SLC66A1: variants seen among roughly 807,000 people sequenced by gnomAD.
The protein encoded by SLC66A1 is solute carrier family 66 member 1.
In SLC66A1, 23 loss-of-function variants were observed where a neutral mutation model predicts 33.0. The observed-to-expected ratio is 0.70, with a 90% confidence interval of 0.50 to 0.99. The LOEUF (loss-of-function observed/expected upper bound fraction) is 0.99, where lower values mean the gene tolerates loss of function less well. Ranked by LOEUF, SLC66A1 falls within the 50% of genes least tolerant of loss-of-function variation. The pLI is 0.00. For missense variants in SLC66A1, 335 were observed against 383.6 expected, an observed-to-expected ratio of 0.87 and a Z score of 1.06; for synonymous variants, 164 against 175.5, an observed-to-expected ratio of 0.93 and a Z score of 0.52.
Position 19,328,688 on chromosome 1 carries a change from A to G in SLC66A1, c.*45A>G. 1 of 1,592,900 alleles carries G rather than the reference A, an allele frequency of 6.3e-7. No homozygotes were observed. ...AGGAGGACAGGCACCACCGGATGCC[A>G]CACCAGGCAGGAGGAGGTGTGGACA... On this transcript the variant is annotated 3_prime_UTR_variant, in exon 8 of 8. Transcript: ENST00000375153. The surrounding 1 kb of genome is among the most constrained non-coding windows in gnomAD (Gnocchi z 4.7).
intron 1 of SLC66A1, 141 bp downstream of exon 1, chr1:19,313,030 ATAAT>A (rs138343565): frequency 0.032 from 5,661 of 179,108 alleles, 325 homozygotes; most frequent in African/African-American, 0.13. Flanking sequence ...ATGAGAACAA[ATAAT>A]AGTCATTTTG....
chr1:19,323,493 A>C (rs2093847847), intron 2 of SLC66A1, among the ~76,000 whole-genome samples: 1 of 149,232 alleles, frequency 6.7e-6, no homozygotes, highest in South Asian at 2.1e-4. Flanking sequence ...TGCAACCTCC[A>C]CCTCCTGGCT....
intron 1 of SLC66A1, among the ~76,000 whole-genome samples, chr1:19,316,350 GGTTT>G (rs1205372225): frequency 3.2e-4 from 39 of 120,120 alleles, no homozygotes; most frequent in Non-Finnish European, 5.3e-4. Flanking sequence ...AACTCTTTAT[GGTTT>G]GTGTGTGTGT....
At position 19,325,494 on chromosome 1, in the gene SLC66A1, G is replaced by C; in HGVS notation, c.295-1G>C. ...CCCTGGGCCCCCTGCATCTCTTACA[G>C]ACCTACACGGCTGTGTATTATGTCT... On this transcript the variant is annotated splice_acceptor_variant, in intron 3 of 7. Transcript: ENST00000375153. LOFTEE classifies it high-confidence loss of function. 1.2e-6 allele frequency: 2 copies of C among 1,601,918 alleles called. No individual in the cohort carries two copies. Among genetic ancestry groups the C allele is most frequent in the Non-Finnish European group, 1.7e-6 (2 of 1,169,202 alleles).
downstream of SLC66A1, among the ~76,000 whole-genome samples, chr1:19,332,940 G>C (rs914540583): frequency 6.6e-6 from 1 of 152,224 alleles, no homozygotes; most frequent in East Asian, 1.9e-4. Context: ...CACCCCCAGA[G>C]GTCCCCGCCT....
At chr1:19,318,257 G>T (rs1036787961) in intron 2 of SLC66A1, among the ~76,000 whole-genome samples, 5 of 152,192 alleles carry the variant, frequency 3.3e-5, no homozygotes, top group African/African-American at 1.2e-4. Context: ...GAGAGTGGGA[G>T]GGCTGGGATG....
At chr1:19,316,190 T>C (rs760687694) in intron 1 of SLC66A1, among the ~76,000 whole-genome samples, 4 of 152,170 alleles carry the variant, frequency 2.6e-5, no homozygotes, top group Non-Finnish European at 4.4e-5. Context: ...GGGAGGTGGC[T>C]GTGGACTCCC....
chr1:19,327,222 C>G lies in SLC66A1; in HGVS notation c.619-5C>G. 1 of 1,612,398 alleles carries G rather than the reference C, an allele frequency of 6.2e-7. No homozygotes were observed. Among genetic ancestry groups the G allele is most frequent in the South Asian group, 1.1e-5 (1 of 91,010 alleles). ...GGTCTCTGACCTGACCTCCTCCTGC[C>G]CCAGTTCCTCCGGAAGTCCACCCAG... On this transcript the variant is annotated splice_region_variant and splice_polypyrimidine_tract_variant and intron_variant, in intron 6 of 7. Transcript: ENST00000375153.
In SLC66A1 at chr1:19,312,807, G is replaced by C. The variant is rs538330094; in HGVS notation, c.-161G>C. ...GGCCTGGAGTGGGTGGTAGCCCCGAGCTGGGACGCTCCTCCCTCCACAATC... is the reference window on the plus strand; with the variant it reads ...GGCCTGGAGTGGGTGGTAGCCCCGACCTGGGACGCTCCTCCCTCCACAATC... On this transcript the variant is annotated 5_prime_UTR_variant, in exon 1 of 8. Coordinates refer to ENST00000375153, the MANE Select transcript of SLC66A1 (RefSeq NM_001040125.2). 1 of 153,078 alleles carries C rather than the reference G, an allele frequency of 6.5e-6. No individual in the cohort carries two copies. Among genetic ancestry groups the C allele is most frequent in the East Asian group, 1.9e-4 (1 of 5,186 alleles). 9.5% of individuals were successfully genotyped at this position (153,078 alleles called of 1,614,324 possible). A position where few individuals can be genotyped will look rare whatever the true frequency, so the allele number is the denominator to read the frequency against.
intron 1 of SLC66A1, among the ~76,000 whole-genome samples, chr1:19,313,531 G>T (rs2093788900): frequency 6.6e-6 from 1 of 152,244 alleles, no homozygotes; most frequent in African/African-American, 2.4e-5. Flanking sequence ...CAAGGGGAGA[G>T]GAGGAGGTGG....
intron 1 of SLC66A1, among the ~76,000 whole-genome samples, chr1:19,314,475 C>T (rs1558144132): frequency 6.6e-6 from 1 of 152,214 alleles, no homozygotes; most frequent in Admixed American, 6.5e-5. Flanking sequence ...TCATTTCCTC[C>T]CTAACCTGGG....
In SLC66A1 at chr1:19,317,849, G is replaced by A. The variant is rs745770954; in HGVS notation, c.164+8G>A. ...TGCTGCATCTACCTTCCCGTGAGTA[G>A]TGTCTTGGTGGCAGGACCAGGGCAG... is the stretch of plus-strand genomic sequence containing the variant. On this transcript the variant is annotated splice_region_variant and intron_variant, in intron 2 of 7. Coordinates refer to ENST00000375153, the MANE Select transcript of SLC66A1 (RefSeq NM_001040125.2). 6.2e-7 allele frequency: 1 copy of A among 1,612,076 alleles called. No individual in the cohort carries two copies.
chr1:19,330,199 C>T (rs1261476202), downstream of SLC66A1, among the ~76,000 whole-genome samples: 1 of 151,986 alleles, frequency 6.6e-6, no homozygotes, highest in Non-Finnish European at 1.5e-5. Flanking sequence ...ACAGAGACGC[C>T]AGCTCCCCAC....
intron 2 of SLC66A1, among the ~76,000 whole-genome samples, chr1:19,324,058 G>A (rs1288340448): frequency 2.0e-5 from 3 of 152,204 alleles, no homozygotes; most frequent in Non-Finnish European, 4.4e-5. Context: ...ACAACCAGGG[G>A]ACCAAAAGCC....
chr1:19,318,798 A>T (rs1569750450), intron 2 of SLC66A1, among the ~76,000 whole-genome samples: 5 of 152,256 alleles, frequency 3.3e-5, no homozygotes, highest in African/African-American at 7.2e-5. Flanking sequence ...AAAAAAAAAA[A>T]AAAATTAAAA....
In SLC66A1 at chr1:19,316,616, A is replaced by G. The variant is rs148129669; in HGVS notation, c.-78-984A>G. The stretch of plus-strand genomic sequence containing the variant: ...GCCTGTTCTCGAACTCCTGGGCTCA[A>G]GTAATCTTTCCCACCTCAGCCTCCT... On this transcript the variant is annotated intron_variant, in intron 1 of 7. Coordinates refer to ENST00000375153, the MANE Select transcript of SLC66A1 (RefSeq NM_001040125.2). Among the ~76,000 whole-genome samples, 279 of 152,020 alleles carry G rather than the reference A, an allele frequency of 1.8e-3. 3 individuals are homozygous for G. Among genetic ancestry groups the G allele is most frequent in the Middle Eastern group, 6.8e-3 (2 of 294 alleles).
chr1:19,325,029 G>A (rs2093856451), intron 3 of SLC66A1, among the ~76,000 whole-genome samples: 1 of 152,256 alleles, frequency 6.6e-6, no homozygotes, highest in South Asian at 2.1e-4. Flanking sequence ...GGGTGCTGGA[G>A]TGCTGGCGAA....
At position 19,326,404 on chromosome 1, in the gene SLC66A1, G is replaced by T; in HGVS notation, c.525+17G>T. ...GGCAGCAAGGTGAGGCGTGGGCGTG[G>T]CGGTCGAAGGGATGGAGGCTGGCTC... On this transcript the variant is annotated intron_variant, in intron 5 of 7. Transcript: ENST00000375153. The T allele has an allele frequency of 6.2e-7, 1 of 1,605,464 alleles. No individual in the cohort carries two copies. The highest frequency in any genetic ancestry group is 8.5e-7 in the Non-Finnish European group (1 of 1,176,578).
At chr1:19,321,169 CTT>C (rs71577887) in intron 2 of SLC66A1, among the ~76,000 whole-genome samples, 1,101 of 81,940 alleles carry the variant, frequency 0.013, 19 homozygotes, top group African/African-American at 0.056. Context: ...CTTATCTCTT[CTT>C]TTTTTTTTTT....
Sources: allele counts gnomAD v4.1 joint callset (sites outside exome capture counted in the v4.1 genomes callset), GRCh38; gene constraint gnomAD v4.1.1; non-coding constraint Gnocchi (gnomAD v3.1); transcripts MANE v1.5; gene names NCBI Gene and HGNC (gene_info 2026-07-23, HGNC 2026-07-21).